Variants in TBC1D9 observed in about 807,000 individuals in gnomAD.
TBC1D9 encodes the protein TBC1 domain family member 9.
In TBC1D9, 63 loss-of-function variants were observed where a neutral mutation model predicts 132.0. The observed-to-expected ratio is 0.48, with a 90% confidence interval of 0.39 to 0.59. The LOEUF (loss-of-function observed/expected upper bound fraction) is 0.59, where lower values mean the gene tolerates loss of function less well. TBC1D9 is among the 20% of genes least tolerant of loss of function. The pLI, the probability that TBC1D9 is intolerant of heterozygous loss-of-function variation, is 0.00. For synonymous variants in TBC1D9, 610 were observed against 609.9 expected, an observed-to-expected ratio of 1.00 and a Z score of 0.00; for missense variants, 1,261 against 1,592.7, an observed-to-expected ratio of 0.79 and a Z score of 3.54.
intron 10 of TBC1D9, among the ~76,000 whole-genome samples, 154 bp from the exon 11 acceptor site, chr4:140,659,859 T>C (rs1394439514): frequency 6.6e-6 from 1 of 152,254 alleles, no homozygotes; most frequent in Non-Finnish European, 1.5e-5. Flanking sequence ...GCTTTACACA[T>C]AGTCTCTGTC....
At chr4:140,738,836 T>A (rs1738715831) in intron 1 of TBC1D9, among the ~76,000 whole-genome samples, 1 of 152,186 alleles carries the variant, frequency 6.6e-6, no homozygotes, top group Non-Finnish European at 1.5e-5. Context: ...GGGGAAAGAC[T>A]GGAAAACTTT....
chr4:140,704,761 T>C (rs1738125713), intron 1 of TBC1D9, among the ~76,000 whole-genome samples: 1 of 152,128 alleles, frequency 6.6e-6, no homozygotes, highest in Non-Finnish European at 1.5e-5. Context: ...AACCTCAACA[T>C]AAACTATTCT....
chr4:140,707,492 C>G (rs1397113360), intron 1 of TBC1D9, among the ~76,000 whole-genome samples: 1 of 152,188 alleles, frequency 6.6e-6, no homozygotes, highest in Non-Finnish European at 1.5e-5. Flanking sequence ...CACTTCCATG[C>G]CTGGCTTACT....
intron 1 of TBC1D9, among the ~76,000 whole-genome samples, chr4:140,731,554 C>T (rs1738589954): frequency 6.6e-6 from 1 of 152,020 alleles, no homozygotes; most frequent in South Asian, 2.1e-4. Flanking sequence ...GTTTCTAGAA[C>T]CACCAAAATG....
chr4:140,625,016 C>A (rs1288843411), intron 18 of TBC1D9, among the ~76,000 whole-genome samples: 1 of 151,738 alleles, frequency 6.6e-6, no homozygotes, highest in African/African-American at 2.4e-5. Flanking sequence ...GGTGCCATTG[C>A]ACTCCAGCCT....
intron 1 of TBC1D9, 140 bp downstream of exon 1, chr4:140,755,776 A>G: frequency 7.7e-7 from 1 of 1,290,730 alleles, no homozygotes; most frequent in Non-Finnish European, 1.0e-6. Flanking sequence ...ACGACTCTCG[A>G]TGCCTCGCAT....
chr4:140,700,067 C>T (rs933486409), intron 2 of TBC1D9, among the ~76,000 whole-genome samples: 5 of 152,120 alleles, frequency 3.3e-5, no homozygotes, highest in African/African-American at 7.2e-5. Flanking sequence ...GAAGCCAAAG[C>T]AGGAGGCTCA....
chr4:140,740,674 C>A (rs1738745800), intron 1 of TBC1D9, among the ~76,000 whole-genome samples: 1 of 152,178 alleles, frequency 6.6e-6, no homozygotes, highest in Admixed American at 6.5e-5. Flanking sequence ...CTCTGGAAAA[C>A]CTCTTTGGAA....
At chr4:140,648,147 G>C (rs1271009321) in intron 13 of TBC1D9, among the ~76,000 whole-genome samples, 4 of 152,062 alleles carry the variant, frequency 2.6e-5, no homozygotes, top group African/African-American at 9.7e-5. Flanking sequence ...CCAGCAAACA[G>C]AATTTGTGCT....
Position 140,750,507 on chromosome 4 carries a change from A to G in TBC1D9, c.130+5409T>C, listed in dbSNP as rs560651913. ...TTCTACATCCCAGTAAAAAAGAAAC[A>G]GAAAATGAAATTTTAAAAAGACATA... is the stretch of plus-strand genomic sequence containing the variant. On this transcript the variant is annotated intron_variant, in intron 1 of 20. Transcript: ENST00000442267. Among the ~76,000 whole-genome samples, 36 of 152,234 alleles carry G rather than the reference A, an allele frequency of 2.4e-4. 1 individual carries two copies. Among genetic ancestry groups the G allele is most frequent in the East Asian group, 9.6e-4 (5 of 5,190 alleles).
intron 3 of TBC1D9, 41 bp from the exon 4 acceptor site, chr4:140,679,884 T>C (rs570054780): frequency 3.3e-6 from 5 of 1,523,284 alleles, no homozygotes; most frequent in African/African-American, 1.4e-5. Flanking sequence ...CTGGTATTAA[T>C]ATGACTAGAG....
chr4:140,745,451 GC>G (rs1179434952), intron 1 of TBC1D9, among the ~76,000 whole-genome samples: 1 of 152,162 alleles, frequency 6.6e-6, no homozygotes, highest in East Asian at 1.9e-4. Context: ...ACCTGAGACA[GC>G]AATACCAATC....
intron 13 of TBC1D9, among the ~76,000 whole-genome samples, chr4:140,648,385 G>GTTTTTTT (rs1243797618): frequency 2.5e-5 from 3 of 121,870 alleles, no homozygotes; most frequent in African/African-American, 3.0e-5. Flanking sequence ...TTTTGTTGTT[G>GTTTTTTT]TTTTTTTTTT....
At chr4:140,651,905 T>C (rs547823675) in intron 13 of TBC1D9, among the ~76,000 whole-genome samples, 1 of 152,348 alleles carries the variant, frequency 6.6e-6, no homozygotes, top group South Asian at 2.1e-4. Context: ...GGGCTGAGCA[T>C]GATACCTGGC....
At chr4:140,716,294 A>G (rs930939371) in intron 1 of TBC1D9, among the ~76,000 whole-genome samples, 14 of 152,134 alleles carry the variant, frequency 9.2e-5, no homozygotes, top group Admixed American at 2.6e-4. Context: ...GGAGACCAGC[A>G]AGGGCAACAC....
At chr4:140,700,867 G>A (rs1447023646) in intron 2 of TBC1D9, 5 of 152,262 alleles carry the variant, frequency 3.3e-5, no homozygotes, top group African/African-American at 1.2e-4. Flanking sequence ...GTGAGAAGTG[G>A]GGAAAGAGTA....
At chr4:140,636,244 G>A (rs1256297727) in intron 15 of TBC1D9, among the ~76,000 whole-genome samples, 1 of 152,156 alleles carries the variant, frequency 6.6e-6, no homozygotes, top group Non-Finnish European at 1.5e-5. Flanking sequence ...AAGGGCCCCT[G>A]AACCACATTT....
rs927850191 is a variant in TBC1D9, at chr4:140,669,768, G to A, written c.1303C>T (p.Pro435Ser). The A allele has an allele frequency of 1.9e-6, 3 of 1,613,780 alleles. No individual in the cohort carries two copies. The highest frequency in any genetic ancestry group is 3.3e-5 in the Admixed American group (2 of 60,002). ...GCATCAGAGCTCGTGCTTCTCTGGG[G>A]GCTGGAGGAGACGAGGCTGCTGGGT... is the stretch of plus-strand genomic sequence containing the variant. ...SRPSSLVSSS[P>S]QRSTSSDADG... Residue 435 changes from proline to serine, a missense_variant, in exon 8 of 21, where the codon CCC becomes TCC. Physicochemically the swap from Pro to Ser is moderately conservative, Grantham distance 74 (BLOSUM62 -1). This residue lies in a region of TBC1D9 where 550 missense variants were observed against 699.0 expected (regional missense o/e 0.79). Transcript: ENST00000442267.
intron 1 of TBC1D9, among the ~76,000 whole-genome samples, chr4:140,728,195 G>A (rs1560897909): frequency 2.6e-5 from 4 of 152,164 alleles, no homozygotes; most frequent in African/African-American, 9.7e-5. Flanking sequence ...AATAAAGAAA[G>A]TAAGATGGTA....
Sources: gnomAD v4.1 joint callset for allele counts (sites outside exome capture counted in the v4.1 genomes callset) on GRCh38, gnomAD v4.1.1 for gene constraint, gnomAD v4.1.1 regional missense constraint, MANE v1.5 for transcripts, NCBI Gene and HGNC (gene_info 2026-07-23, HGNC 2026-07-21) for gene names.